The following IGSF21 variants were observed in gnomAD, a reference collection of about 807,000 sequenced individuals.
IGSF21 encodes immunoglobin superfamily member 21.
In IGSF21, 28 loss-of-function variants were observed where a neutral mutation model predicts 46.8. That is an observed-to-expected ratio of 0.60 (90% CI 0.44 to 0.82). The LOEUF is 0.82. IGSF21 is among the 40% of genes least tolerant of loss of function. IGSF21 has a pLI of 0.00. For synonymous variants in IGSF21, 284 were observed against 273.6 expected (o/e 1.04, Z -0.38); for missense variants, 624 against 665.5 (o/e 0.94, Z 0.69).
chr1:18,359,375 AAAGAAAGAAAGGAAGG>A (rs1396297968), intron 4 of IGSF21, among the ~76,000 whole-genome samples: 137 of 97,112 alleles, frequency 1.4e-3, no homozygotes, highest in African/African-American at 2.5e-3. Flanking sequence ...AGAAAGAAAG[AAAGAAAGAAAGGAAGG>A]AAGGAAGGAA....
At chr1:18,266,524 ACAGGAGTGACCAACTCTGTCC>A (rs2084991242) in intron 2 of IGSF21, among the ~76,000 whole-genome samples, 1 of 152,202 alleles carries the variant, frequency 6.6e-6, no homozygotes, top group Non-Finnish European at 1.5e-5. Context: ...CACTGGGACA[ACAGGAGTGACCAACTCTGTCC>A]CATGTGTCTC....
In IGSF21 at chr1:18,365,428, G is replaced by A. The variant is rs2086153021; in HGVS notation, c.746G>A (p.Gly249Asp). The change falls in exon 6 of 10, where the codon GGC becomes GAC. Residue 249 changes from glycine to aspartate, a missense_variant. Physicochemically the swap from Gly to Asp is moderately conservative, Grantham distance 94. Coordinates refer to ENST00000251296, the MANE Select transcript of IGSF21 (RefSeq NM_032880.5). This position sits in a 1 kb window ranked among gnomAD's most constrained non-coding sequence, Gnocchi z 4.8. ...GRPYTERPSR[G>D]LTPDPNILLQ... ...CCCTACACGGAGCGCCCCTCCCGTG[G>A]CCTGACCCCAGATCCCAACATCCTC... 1 of 1,613,760 alleles carries A rather than the reference G, an allele frequency of 6.2e-7. No homozygotes were observed. Among genetic ancestry groups the A allele is most frequent in the Non-Finnish European group, 8.5e-7 (1 of 1,179,994 alleles).
chr1:18,307,008 A>T (rs560237586), intron 3 of IGSF21, among the ~76,000 whole-genome samples: 47 of 152,316 alleles, frequency 3.1e-4, no homozygotes, highest in Non-Finnish European at 6.0e-4. Flanking sequence ...TTCTCAGGGG[A>T]GTGGCCTGCC....
intron 2 of IGSF21, among the ~76,000 whole-genome samples, chr1:18,231,218 A>G (rs570014039): frequency 1.2e-4 from 18 of 152,322 alleles, no homozygotes; most frequent in South Asian, 6.2e-4. Context: ...TCCTAAATAC[A>G]TTATCTTAGC....
intron 6 of IGSF21, among the ~76,000 whole-genome samples, chr1:18,374,312 A>G (rs1194822529): frequency 6.6e-6 from 1 of 152,248 alleles, no homozygotes; most frequent in Non-Finnish European, 1.5e-5. Flanking sequence ...GAGATTATGC[A>G]TATGGCACTT....
chr1:18,275,359 A>T (rs2085090191), intron 2 of IGSF21, among the ~76,000 whole-genome samples: 1 of 152,160 alleles, frequency 6.6e-6, no homozygotes, highest in African/African-American at 2.4e-5. Context: ...TCTACTCCCC[A>T]AGCCAAGGGG....
chr1:18,277,467 G>C (rs1314651640), intron 2 of IGSF21, among the ~76,000 whole-genome samples: 1 of 152,220 alleles, frequency 6.6e-6, no homozygotes, highest in Non-Finnish European at 1.5e-5. Flanking sequence ...CTGACACATA[G>C]TAGGTGCTCA....
intron 3 of IGSF21, among the ~76,000 whole-genome samples, chr1:18,323,151 T>A (rs1393732135): frequency 1.3e-5 from 2 of 152,128 alleles, no homozygotes; most frequent in Admixed American, 1.3e-4. Context: ...GAAAACCTGA[T>A]TTCTCAGAGG....
chr1:18,283,240 C>T (rs2085179930), intron 2 of IGSF21, among the ~76,000 whole-genome samples: 1 of 152,220 alleles, frequency 6.6e-6, no homozygotes, highest in Non-Finnish European at 1.5e-5. Context: ...TCTGTCAAAA[C>T]CGGATCTCCC....
chr1:18,193,591 C>T (rs1368484202), intron 1 of IGSF21, among the ~76,000 whole-genome samples: 1 of 152,080 alleles, frequency 6.6e-6, no homozygotes, highest in Non-Finnish European at 1.5e-5. Context: ...CCAGTCTAAC[C>T]TTTTCATGTT....
intron 2 of IGSF21, among the ~76,000 whole-genome samples, chr1:18,274,622 C>G (rs2085082155): frequency 6.6e-6 from 1 of 152,220 alleles, no homozygotes; most frequent in Non-Finnish European, 1.5e-5. Context: ...GCTGTGTAGC[C>G]TGCAAATCCT....
In IGSF21 at chr1:18,358,699, C is replaced by T. The variant is rs376100417; in HGVS notation, c.425-3416C>T. On this transcript the variant is annotated intron_variant, in intron 4 of 9. Transcript: ENST00000251296. ...TTGGGTGCACTTTCAAAACACTTTG[C>T]AGGCACTACGTTACTGAATCTTCAC... 5.3e-5 allele frequency among the ~76,000 whole-genome samples: 8 copies of T among 152,370 alleles called. No individual in the cohort carries two copies. In the East Asian group the frequency reaches 9.6e-4, roughly 18 times the overall value.
intron 4 of IGSF21, chr1:18,361,851 CTT>C (rs2086104356): frequency 5.1e-6 from 2 of 391,908 alleles, no homozygotes; most frequent in Non-Finnish European, 9.3e-6. Context: ...GCACTTCACA[CTT>C]TGATCTGTGC....
intron 1 of IGSF21, among the ~76,000 whole-genome samples, chr1:18,208,383 A>ATATG (rs2084353810): frequency 1.9e-5 from 2 of 105,532 alleles, no homozygotes; most frequent in South Asian, 6.4e-4. Context: ...AATAATATAT[A>ATATG]TATATATATA....
intron 3 of IGSF21, among the ~76,000 whole-genome samples, chr1:18,321,037 AG>A (rs2085595556): frequency 2.0e-5 from 3 of 152,194 alleles, no homozygotes. Context: ...CTGCTTTTCT[AG>A]GGGTCAAGCA....
chr1:18,273,339 C>CCTTTCCTTTCCTTTCCTTTCCTTTG lies in IGSF21; in HGVS notation c.184-18503_184-18502insGCTTTCCTTTCCTTTCCTTTCCTTT, dbSNP rs2085062675. Among the ~76,000 whole-genome samples the CCTTTCCTTTCCTTTCCTTTCCTTTG allele has an allele frequency of 6.5e-5, 3 of 45,810 alleles. 1 individual carries two copies. Among genetic ancestry groups the CCTTTCCTTTCCTTTCCTTTCCTTTG allele is most frequent in the African/African-American group, 3.0e-4 (3 of 10,012 alleles). The allele number at this position is 45,810 out of a possible 152,430, so 30.1% of individuals were successfully genotyped here. On this transcript the variant is annotated intron_variant, in intron 2 of 9. Coordinates refer to ENST00000251296, the MANE Select transcript of IGSF21 (RefSeq NM_032880.5). Reference sequence around the variant, plus strand: ...TACAGGCATGAGCCACCATTCCTTTCCTTTCCTTTCCTTTCCTTTCCTTTC... The same window carrying CCTTTCCTTTCCTTTCCTTTCCTTTG: ...TACAGGCATGAGCCACCATTCCTTTCCTTTCCTTTCCTTTCCTTTCCTTTGCTTTCCTTTCCTTTCCTTTCCTTTC...
At chr1:18,351,903 C>G (rs12734683) in intron 4 of IGSF21, among the ~76,000 whole-genome samples, 18,411 of 152,256 alleles carry the variant, frequency 0.12, 1,419 homozygotes, top group Non-Finnish European at 0.17. Context: ...CAGGCAGCGG[C>G]CACCCACAGG....
chr1:18,175,132 C>T (rs1224708418), intron 1 of IGSF21, among the ~76,000 whole-genome samples: 1 of 152,212 alleles, frequency 6.6e-6, no homozygotes, highest in African/African-American at 2.4e-5. Flanking sequence ...CCGTGTGACC[C>T]TTATCTGGAG....
At chr1:18,121,898 C>T (rs11802688) in intron 1 of IGSF21, among the ~76,000 whole-genome samples, 4,289 of 152,292 alleles carry the variant, frequency 0.028, 198 homozygotes, top group African/African-American at 0.096. Flanking sequence ...ACTCATTTTC[C>T]AGTTGAATAA....
Sources: allele counts gnomAD v4.1 joint callset (sites outside exome capture counted in the v4.1 genomes callset), GRCh38; gene constraint gnomAD v4.1.1; non-coding constraint Gnocchi (gnomAD v3.1); transcripts MANE v1.5; gene names NCBI Gene and HGNC (gene_info 2026-07-23, HGNC 2026-07-21).